The following CD46 variants were observed in gnomAD, a reference collection of about 807,000 sequenced individuals.
CD46 encodes membrane cofactor protein.
Under a neutral mutation model 53.3 loss-of-function variants are expected in CD46, and 30 were observed. The ratio of observed to expected loss-of-function variants is 0.56; its 90% CI spans 0.42 to 0.76. The LOEUF is 0.76. Ranked by LOEUF, CD46 falls within the 30% of genes least tolerant of loss-of-function variation. The probability of loss-of-function intolerance (pLI) is 0.00; values close to 1 mark genes in which losing one functional copy is unlikely to be tolerated. For synonymous variants in CD46, 142 were observed against 152.0 expected (o/e 0.93, Z 0.48); for missense variants, 409 against 463.0 (o/e 0.88, Z 1.07).
intron 11 of CD46, among the ~76,000 whole-genome samples, chr1:207,789,870 G>GAAAA (rs150136290): frequency 2.3e-5 from 1 of 43,374 alleles, no homozygotes; most frequent in African/African-American, 9.1e-5. Context: ...GCTGTGTCTT[G>GAAAA]AAAAAAAAAA....
Position 207,752,746 on chromosome 1 carries a change from G to T in CD46, c.97+437G>T, listed in dbSNP as rs1655062898. 6.6e-6 allele frequency among the ~76,000 whole-genome samples: 1 copy of T among 152,148 alleles called. No individual in the cohort carries two copies. The highest frequency in any genetic ancestry group is 1.5e-5 in the Non-Finnish European group (1 of 68,022). ...CTTGGTGAGTGGGGTGTTCATTAGG[G>T]CTTGGACAGTACCCGCGGTAAGGGT... is the stretch of plus-strand genomic sequence containing the variant. On this transcript the variant is annotated intron_variant, in intron 1 of 12. Transcript: ENST00000367042. The surrounding 1 kb of genome is among the most constrained non-coding windows in gnomAD (Gnocchi z 4.1).
At chr1:207,759,517 T>A (rs1233655948) in intron 3 of CD46, 122 bp from the exon 4 acceptor site, 7 of 644,182 alleles carry the variant, frequency 1.1e-5, no homozygotes, top group Non-Finnish European at 1.7e-5. Context: ...GTATGTTGTT[T>A]AAGAAACCAC....
chr1:207,777,645 T>A (rs957644787), intron 8 of CD46, among the ~76,000 whole-genome samples: 8 of 152,188 alleles, frequency 5.3e-5, no homozygotes, highest in Non-Finnish European at 1.0e-4. Context: ...TACGTAGTAT[T>A]CCACGGTGTA....
At chr1:207,788,360 CAAAAAAAA>C (rs1205954774) in intron 11 of CD46, among the ~76,000 whole-genome samples, 7 of 80,120 alleles carry the variant, frequency 8.7e-5, no homozygotes, top group African/African-American at 8.0e-5. Flanking sequence ...ACTAAAAATA[CAAAAAAAA>C]AAAAAAAAAA....
intron 5 of CD46, among the ~76,000 whole-genome samples, chr1:207,766,714 C>T (rs1208963576): frequency 6.6e-6 from 1 of 151,992 alleles, no homozygotes; most frequent in Non-Finnish European, 1.5e-5. Flanking sequence ...GGGAAAACAA[C>T]AAAAACCCGT....
intron 8 of CD46, among the ~76,000 whole-genome samples, chr1:207,772,422 GA>G (rs1243911946): frequency 6.6e-6 from 1 of 152,190 alleles, no homozygotes; most frequent in Admixed American, 6.5e-5. Context: ...ACCCTGGCCA[GA>G]ACTTCCAACA....
rs1654954005 is a variant in CD46 at position 207,752,066 on chromosome 1, A to T, written c.-147A>T. 1.2e-6 allele frequency: 1 copy of T among 858,158 alleles called. No homozygotes were observed. Among genetic ancestry groups the T allele is most frequent in the Non-Finnish European group, 1.9e-6 (1 of 514,280 alleles). The allele number at this position is 858,158 out of a possible 1,614,324, so 53.2% of individuals were successfully genotyped here. On this transcript the variant is annotated 5_prime_UTR_variant, in exon 1 of 13. Transcript: ENST00000367042. This position sits in a 1 kb window ranked among gnomAD's most constrained non-coding sequence, Gnocchi z 4.1. ...TTCCGCCCCGGGCGCGGCTCGGGCCACGCCCACCTGTCCTGCAGCACTGGA... is the reference window on the plus strand; with the variant it reads ...TTCCGCCCCGGGCGCGGCTCGGGCCTCGCCCACCTGTCCTGCAGCACTGGA...
chr1:207,775,153 C>T (rs1657961219), intron 8 of CD46, among the ~76,000 whole-genome samples: 1 of 152,054 alleles, frequency 6.6e-6, no homozygotes, highest in South Asian at 2.1e-4. Flanking sequence ...GATATAGTTT[C>T]TTTCCACTTG....
chr1:207,779,201 T>G (rs1225259759), intron 8 of CD46, among the ~76,000 whole-genome samples: 1 of 152,160 alleles, frequency 6.6e-6, no homozygotes, highest in African/African-American at 2.4e-5. Context: ...CTGTGGGGTT[T>G]TCTAAATATA....
chr1:207,784,511 A>AC (rs1410231168), intron 9 of CD46, among the ~76,000 whole-genome samples: 1 of 152,204 alleles, frequency 6.6e-6, no homozygotes, highest in East Asian at 1.9e-4. Context: ...CACAAGTGGA[A>AC]CCCTTAACCT....
At chr1:207,788,595 C>T (rs565543950) in intron 11 of CD46, among the ~76,000 whole-genome samples, 1 of 152,272 alleles carries the variant, frequency 6.6e-6, no homozygotes, top group South Asian at 2.1e-4. Context: ...ATCTTGTCCC[C>T]CCAGATTGGC....
At chr1:207,764,502 C>A (rs1179015363) in intron 5 of CD46, among the ~76,000 whole-genome samples, 1 of 152,146 alleles carries the variant, frequency 6.6e-6, no homozygotes, top group Non-Finnish European at 1.5e-5. Context: ...TTTCTGACTT[C>A]CCCCCATCCC....
At chr1:207,757,377 C>G (rs964589172) in intron 2 of CD46, among the ~76,000 whole-genome samples, 163 bp from the exon 3 acceptor site, 7 of 152,100 alleles carry the variant, frequency 4.6e-5, no homozygotes, top group Admixed American at 2.6e-4. Flanking sequence ...ATTTTCCTGG[C>G]AATAGATTGC....
rs66758503 is a variant in CD46 at position 207,779,913 on chromosome 1, C to CTTTTTTTTTTTTTTTTTTT, written c.944-3378_944-3360dup. 1.7e-3 allele frequency among the ~76,000 whole-genome samples: 106 copies of CTTTTTTTTTTTTTTTTTTT among 62,358 alleles called. 14 individuals are homozygous for CTTTTTTTTTTTTTTTTTTT. The highest frequency in any genetic ancestry group is 3.3e-3 in the East Asian group (4 of 1,224). 40.9% of individuals were successfully genotyped at this position (62,358 alleles called of 152,430 possible). A position where few individuals can be genotyped will look rare whatever the true frequency, so the allele number is the denominator to read the frequency against. ...TTCTATTCTTGTAGCAAAAGCAAGT[C>CTTTTTTTTTTTTTTTTTTT]TTTTTTTTTTTTTTTTTTTACTGTA... On this transcript the variant is annotated intron_variant, in intron 8 of 12. Coordinates refer to ENST00000367042, the MANE Select transcript of CD46 (RefSeq NM_172351.3).
intron 6 of CD46, 75 bp downstream of exon 6, chr1:207,767,270 A>G: frequency 8.1e-7 from 1 of 1,232,604 alleles, no homozygotes; most frequent in Non-Finnish European, 1.2e-6. Context: ...TTTCTTTGAT[A>G]TTAACTATCA....
chr1:207,783,094 G>A (rs1055472152), intron 8 of CD46, among the ~76,000 whole-genome samples, 198 bp from the exon 9 acceptor site: 11 of 151,938 alleles, frequency 7.2e-5, no homozygotes, highest in East Asian at 1.9e-4. Context: ...GAAAGATTAT[G>A]ACATTAAATG....
intron 3 of CD46, among the ~76,000 whole-genome samples, chr1:207,758,862 C>G (rs180992260): frequency 6.6e-6 from 1 of 151,990 alleles, no homozygotes; most frequent in Non-Finnish European, 1.5e-5. Flanking sequence ...GAAGTTCTAA[C>G]CTTATTGAGA....
At chr1:207,784,857 T>C (rs1460757795) in intron 9 of CD46, among the ~76,000 whole-genome samples, 1 of 152,152 alleles carries the variant, frequency 6.6e-6, no homozygotes, top group African/African-American at 2.4e-5. Flanking sequence ...GAACTTACTA[T>C]CATGAGAATA....
intron 11 of CD46, chr1:207,786,146 A>C (rs1558079200): frequency 1.3e-5 from 2 of 158,490 alleles, no homozygotes; most frequent in Admixed American, 1.2e-4. Context: ...CTATGTAGGC[A>C]TATCATTTAA....
Sources: allele counts gnomAD v4.1 joint callset (sites outside exome capture counted in the v4.1 genomes callset), GRCh38; gene constraint gnomAD v4.1.1; non-coding constraint Gnocchi (gnomAD v3.1); transcripts MANE v1.5; gene names NCBI Gene and HGNC (gene_info 2026-07-23, HGNC 2026-07-21).